The following LRRFIP1 variants were observed in gnomAD, a reference collection of about 807,000 sequenced individuals.
LRRFIP1 encodes leucine-rich repeat flightless-interacting protein 1.
Under a neutral mutation model 104.4 loss-of-function variants are expected in LRRFIP1, and 62 were observed. The observed-to-expected ratio is 0.59, with a 90% CI of 0.48 to 0.73. The LOEUF is 0.73. LRRFIP1 is among the 30% of genes least tolerant of loss of function. The pLI, the probability that LRRFIP1 is intolerant of heterozygous loss-of-function variation, is 0.00. For synonymous variants in LRRFIP1, 300 were observed against 299.0 expected (o/e 1.00, Z -0.03); for missense variants, 796 against 824.5 (o/e 0.97, Z 0.42).
Position 237,711,497 on chromosome 2 carries a change from CCAA to C in LRRFIP1, c.184-2760_184-2758del, listed in dbSNP as rs1245590062. On this transcript the variant is annotated intron_variant, in intron 2 of 23. Coordinates refer to ENST00000308482, the MANE Select transcript of LRRFIP1 (RefSeq NM_001137550.2). The surrounding 1 kb of genome is among the most constrained non-coding windows in gnomAD (Gnocchi z 4.4). The stretch of plus-strand genomic sequence containing the variant: ...TGTCCCTTGCAGGCAGCACCTTTGG[CCAA>C]CGTCACCTTTTGCACGGTCCTCTGT... Among the ~76,000 whole-genome samples the C allele has an allele frequency of 2.6e-5, 4 of 152,194 alleles. No individual in the cohort carries two copies. Among genetic ancestry groups the C allele is most frequent in the African/African-American group, 9.7e-5 (4 of 41,444 alleles).
chr2:237,729,449 A>AAGTAACAAGGGTAGTTC (rs6147239), intron 8 of LRRFIP1, among the ~76,000 whole-genome samples: 19,161 of 152,116 alleles, frequency 0.13, 2,754 homozygotes, highest in African/African-American at 0.36. Flanking sequence ...CCAAGGAGAT[A>AAGTAACAAGGGTAGTTC]AGACAAGGAG....
At chr2:237,742,768 C>G (rs2057291494) in intron 11 of LRRFIP1, among the ~76,000 whole-genome samples, 1 of 152,154 alleles carries the variant, frequency 6.6e-6, no homozygotes. Context: ...GGTCCTTCTG[C>G]CTGGGAGGGA....
intron 1 of LRRFIP1, among the ~76,000 whole-genome samples, chr2:237,636,019 C>T (rs1465734414): frequency 1.3e-5 from 2 of 151,394 alleles, no homozygotes; most frequent in Admixed American, 6.6e-5. Flanking sequence ...ATCACTTGAG[C>T]CCAGGGGACA....
At chr2:237,670,792 A>G (rs746142407) in intron 1 of LRRFIP1, among the ~76,000 whole-genome samples, 18 of 152,234 alleles carry the variant, frequency 1.2e-4, no homozygotes, top group Non-Finnish European at 1.9e-4. Context: ...CGTCTAAGCT[A>G]GAAAGCATGA....
chr2:237,681,137 C>T (rs1252497465), intron 1 of LRRFIP1, among the ~76,000 whole-genome samples: 2 of 152,232 alleles, frequency 1.3e-5, no homozygotes, highest in African/African-American at 2.4e-5. Context: ...TATTCAAACA[C>T]AATCTCACCT....
At chr2:237,701,608 G>A (rs2093534044) in intron 1 of LRRFIP1, among the ~76,000 whole-genome samples, 1 of 152,242 alleles carries the variant, frequency 6.6e-6, no homozygotes, top group African/African-American at 2.4e-5. Context: ...ATCTTTGGGT[G>A]ACTGTCTTCT....
At chr2:237,684,227 T>C (rs1237511393) in intron 1 of LRRFIP1, 1 of 151,724 alleles carries the variant, frequency 6.6e-6, no homozygotes, top group Non-Finnish European at 1.5e-5. Context: ...ATCCCAGCAC[T>C]TTGGGAGGCC....
chr2:237,765,278 A>AC (rs1553708778), intron 19 of LRRFIP1: 59 of 163,272 alleles, frequency 3.6e-4, no homozygotes, highest in East Asian at 8.1e-4. Flanking sequence ...AAAAAAAAAA[A>AC]ACACACACAC....
Position 237,649,858 on chromosome 2 carries a change from T to A in LRRFIP1, c.96+22118T>A, listed in dbSNP as rs938795683. Among the ~76,000 whole-genome samples, 1 of 147,170 alleles carries A rather than the reference T, an allele frequency of 6.8e-6. No homozygotes were observed. The highest frequency in any genetic ancestry group is 2.1e-4 in the South Asian group (1 of 4,680). ...TCCTCCGATTCAACAAAAAAAAAAA[T>A]TGATTACCCCCCGGCATGTCCTAAT... On this transcript the variant is annotated intron_variant, in intron 1 of 23. Transcript: ENST00000308482. This position sits in a 1 kb window ranked among gnomAD's most constrained non-coding sequence, Gnocchi z 4.1.
chr2:237,719,502 A>T (rs1442544500), intron 4 of LRRFIP1, 21 bp from the exon 5 acceptor site: 1 of 1,607,606 alleles, frequency 6.2e-7, no homozygotes, highest in African/African-American at 1.3e-5. Context: ...TAACCTTTTC[A>T]TGCTGTTTCT....
chr2:237,700,740 G>A (rs571919162), intron 1 of LRRFIP1, among the ~76,000 whole-genome samples: 1 of 152,290 alleles, frequency 6.6e-6, no homozygotes, highest in South Asian at 2.1e-4. Flanking sequence ...CCTGGCAAAC[G>A]GCGGGCATGG....
rs1176184518 is a variant in LRRFIP1, at chr2:237,691,337, G to C, written c.97-17207G>C. On this transcript the variant is annotated intron_variant, in intron 1 of 23. Transcript: ENST00000308482. This position sits in a 1 kb window ranked among gnomAD's most constrained non-coding sequence, Gnocchi z 5.4. The stretch of plus-strand genomic sequence containing the variant: ...CTGTGCCTGGAGGTGGCGCGGGCTG[G>C]AGCCCTCCCGGAGGAGACCGGCGCC... Among the ~76,000 whole-genome samples the C allele has an allele frequency of 6.6e-6, 1 of 152,206 alleles. No individual in the cohort carries two copies. Among genetic ancestry groups the C allele is most frequent in the Admixed American group, 6.5e-5 (1 of 15,286 alleles).
intron 3 of LRRFIP1, among the ~76,000 whole-genome samples, chr2:237,714,708 A>G (rs951269195): frequency 2.6e-5 from 4 of 152,248 alleles, no homozygotes; most frequent in African/African-American, 7.2e-5. Flanking sequence ...ATCTGAGTAA[A>G]AGGACAGTGA....
intron 1 of LRRFIP1, among the ~76,000 whole-genome samples, chr2:237,707,992 T>G (rs982715014): frequency 7.2e-5 from 11 of 152,214 alleles, no homozygotes; most frequent in African/African-American, 2.7e-4. Flanking sequence ...TCGCTGGGAT[T>G]ACAGTCCCAG....
intron 1 of LRRFIP1, among the ~76,000 whole-genome samples, chr2:237,638,859 C>T (rs1416828206): frequency 3.9e-5 from 6 of 152,254 alleles, no homozygotes; most frequent in Non-Finnish European, 8.8e-5. Flanking sequence ...GCATACCACT[C>T]ATGACCAATG....
In LRRFIP1 at chr2:237,758,803, G is replaced by A. The variant is rs753449682; in HGVS notation, c.1299G>A (p.Met433Ile). The A allele has an allele frequency of 1.2e-6, 2 of 1,612,014 alleles. No individual in the cohort carries two copies. The highest frequency in any genetic ancestry group is 3.3e-5 in the Admixed American group (2 of 59,748). The change falls in exon 18 of 24, where the codon ATG (methionine) becomes ATA (isoleucine). Residue 433 changes from methionine to isoleucine, a missense_variant. Coordinates refer to ENST00000308482, the MANE Select transcript of LRRFIP1 (RefSeq NM_001137550.2). Reference protein sequence around the residue: ...ERDDLREEVVMLKEELKKHGI... With the variant: ...ERDDLREEVVILKEELKKHGI... ...ATGATCTTAGAGAAGAAGTAGTCATGCTGAAAGAGGAATTAAAGGTATGAA... is the reference window on the plus strand; with the variant it reads ...ATGATCTTAGAGAAGAAGTAGTCATACTGAAAGAGGAATTAAAGGTATGAA...
chr2:237,769,554 G>A, intron 19 of LRRFIP1: 1 of 207,120 alleles, frequency 4.8e-6, no homozygotes, highest in East Asian at 1.2e-4. Context: ...AGGCGAGGCT[G>A]TTCAAAATGT....
chr2:237,643,850 G>A (rs903141008), intron 1 of LRRFIP1, among the ~76,000 whole-genome samples: 1 of 152,196 alleles, frequency 6.6e-6, no homozygotes, highest in African/African-American at 2.4e-5. Context: ...GTCAGAAATC[G>A]CTTACATATA....
chr2:237,686,498 C>T lies in LRRFIP1; in HGVS notation c.97-22046C>T, dbSNP rs141097119. Among the ~76,000 whole-genome samples, 217 of 152,254 alleles carry T rather than the reference C, an allele frequency of 1.4e-3. 2 individuals are homozygous for T. The highest frequency in any genetic ancestry group is 4.9e-3 in the African/African-American group (202 of 41,532). On this transcript the variant is annotated intron_variant, in intron 1 of 23. Transcript: ENST00000308482. ...TAGGAAAACCATTCATCCATCTATCCATCTACCCACCCATCATTTATAAGG... is the reference window on the plus strand; with the variant it reads ...TAGGAAAACCATTCATCCATCTATCTATCTACCCACCCATCATTTATAAGG...
Sources: allele counts gnomAD v4.1 joint callset (sites outside exome capture counted in the v4.1 genomes callset), GRCh38; gene constraint gnomAD v4.1.1; non-coding constraint Gnocchi (gnomAD v3.1); transcripts MANE v1.5; gene names NCBI Gene and HGNC (gene_info 2026-07-23, HGNC 2026-07-21).